CBFA2T3: variants seen among roughly 807,000 people sequenced by gnomAD.
CBFA2T3 encodes transcriptional corepressor CBFA2T3.
CBFA2T3 carries 31 observed loss-of-function variants against 58.6 expected under a neutral mutation model. The observed-to-expected ratio is 0.53, with a 90% CI of 0.40 to 0.71. The LOEUF is 0.71. CBFA2T3 is among the 30% of genes least tolerant of loss of function. The probability of loss-of-function intolerance (pLI) is 0.00; values close to 1 mark genes in which losing one functional copy is unlikely to be tolerated. For missense variants in CBFA2T3, 1,076 were observed against 963.1 expected, an observed-to-expected ratio of 1.12 and a Z score of -1.55; for synonymous variants, 531 against 421.9, an observed-to-expected ratio of 1.26 and a Z score of -3.17.
chr16:88,951,166 G>T (rs1972060480), intron 1 of CBFA2T3: 1 of 383,488 alleles, frequency 2.6e-6, no homozygotes, highest in Admixed American at 2.6e-5. Flanking sequence ...CACCGGCACA[G>T]AGGGTCAGAG....
chr16:88,952,805 T>C (rs991613917), intron 1 of CBFA2T3, among the ~76,000 whole-genome samples: 1 of 151,968 alleles, frequency 6.6e-6, no homozygotes, highest in African/African-American at 2.4e-5. Flanking sequence ...CTCTGTGTTC[T>C]CCCTCAACAA....
chr16:88,892,604 G>A, intron 3 of CBFA2T3, 119 bp from the exon 4 acceptor site: 2 of 1,179,542 alleles, frequency 1.7e-6, no homozygotes, highest in Non-Finnish European at 1.2e-6. Context: ...CGGCAACAAT[G>A]ATGAGACACA....
rs192831053 is a variant in CBFA2T3 at position 88,923,715 on chromosome 16, G to A, written c.152-22059C>T. On this transcript the variant is annotated intron_variant, in intron 1 of 11. Coordinates refer to ENST00000268679, the MANE Select transcript of CBFA2T3 (RefSeq NM_005187.6). ...TCACACATGTCGCTCCTGCTGTCAG[G>A]GTGGGAAGGCTCCGACATGGAGGTC... Among the ~76,000 whole-genome samples the A allele has an allele frequency of 5.2e-3, 791 of 152,344 alleles. 9 individuals are homozygous for A. Among genetic ancestry groups the A allele is most frequent in the African/African-American group, 0.018 (759 of 41,574 alleles).
intron 1 of CBFA2T3, among the ~76,000 whole-genome samples, chr16:88,924,500 CA>C (rs1034225360): frequency 1.3e-5 from 2 of 152,036 alleles, no homozygotes; most frequent in Non-Finnish European, 2.9e-5. Flanking sequence ...AGACACAGGC[CA>C]GGGGGAGAAG....
In CBFA2T3 at chr16:88,958,736, C is replaced by T. The variant is rs748780630; in HGVS notation, c.151+17921G>A. Among the ~76,000 whole-genome samples the T allele has an allele frequency of 5.1e-4, 78 of 152,044 alleles. 1 individual carries two copies. Among genetic ancestry groups the T allele is most frequent in the Admixed American group, 1.0e-3 (16 of 15,284 alleles). ...GCCTTTGGAAGGAGATGAACTTGCT[C>T]TCCCAGGGCTGGGGCCTCAGGGCCT... On this transcript the variant is annotated intron_variant, in intron 1 of 11. Transcript: ENST00000268679. The surrounding 1 kb of genome is among the most constrained non-coding windows in gnomAD (Gnocchi z 4.0).
At position 88,875,783 on chromosome 16, in the gene CBFA2T3, G is replaced by C. The variant is rs1555529293; in HGVS notation, c.*1193C>G. On this transcript the variant is annotated 3_prime_UTR_variant, in exon 12 of 12. Transcript: ENST00000268679. Reference sequence around the variant, plus strand: ...TGTCACAGTTTTGTTTCGGAATTATGCTCTCTCTGGGAAGAAAACTTTAGC... The same window carrying C: ...TGTCACAGTTTTGTTTCGGAATTATCCTCTCTCTGGGAAGAAAACTTTAGC... 8.6e-6 allele frequency: 2 copies of C among 233,540 alleles called. No homozygotes were observed. The allele number at this position is 233,540 out of a possible 1,614,324, so 14.5% of individuals were successfully genotyped here. A position where few individuals can be genotyped will look rare whatever the true frequency, so the allele number is the denominator to read the frequency against.
At chr16:88,891,752 T>C in intron 5 of CBFA2T3, 130 bp downstream of exon 5, 1 of 666,000 alleles carries the variant, frequency 1.5e-6, no homozygotes, top group South Asian at 1.7e-5. Context: ...CTCACACCTC[T>C]TCATCCACCT....
intron 1 of CBFA2T3, among the ~76,000 whole-genome samples, chr16:88,944,542 GC>G (rs1937028421): frequency 6.6e-6 from 1 of 152,046 alleles, no homozygotes; most frequent in African/African-American, 2.4e-5. Flanking sequence ...TGCCTCTGAG[GC>G]CCCACCCTGC....
chr16:88,908,117 A>G (rs906420972), intron 1 of CBFA2T3, among the ~76,000 whole-genome samples: 6 of 152,184 alleles, frequency 3.9e-5, no homozygotes, highest in African/African-American at 1.2e-4. Flanking sequence ...CAAGGTAGGC[A>G]AACCACTTGA....
chr16:88,919,257 A>G (rs571779987), intron 1 of CBFA2T3, among the ~76,000 whole-genome samples: 10 of 152,234 alleles, frequency 6.6e-5, no homozygotes, highest in African/African-American at 2.4e-4. Flanking sequence ...GTTCCAGCCA[A>G]TGGAAACCGG....
At chr16:88,967,184 AC>A (rs1972534555) in intron 1 of CBFA2T3, among the ~76,000 whole-genome samples, 1 of 64,944 alleles carries the variant, frequency 1.5e-5, no homozygotes, top group African/African-American at 6.6e-5. Context: ...CCGAGGTGCC[AC>A]TCGGCCCCGA....
At chr16:88,934,494 G>A (rs539205750) in intron 1 of CBFA2T3, among the ~76,000 whole-genome samples, 18 of 152,350 alleles carry the variant, frequency 1.2e-4, no homozygotes, top group Admixed American at 7.8e-4. Flanking sequence ...ACACCTGGCC[G>A]GCACGGCCGG....
intron 1 of CBFA2T3, chr16:88,941,057 G>A (rs1281416676): frequency 7.1e-6 from 7 of 985,632 alleles, no homozygotes; most frequent in Middle Eastern, 5.2e-4. Context: ...GCGGCGGACG[G>A]CGCACACTCG....
intron 1 of CBFA2T3, among the ~76,000 whole-genome samples, chr16:88,970,030 T>A (rs191957207): frequency 5.6e-4 from 85 of 151,726 alleles, no homozygotes; most frequent in African/African-American, 2.0e-3. Flanking sequence ...ACCCCAGGAG[T>A]CCTCGTCTCC....
At chr16:88,898,661 C>T (rs984702476) in intron 2 of CBFA2T3, among the ~76,000 whole-genome samples, 48 of 152,360 alleles carry the variant, frequency 3.2e-4, no homozygotes, top group African/African-American at 1.1e-3. Context: ...TAAAAGCGAC[C>T]TGAGACTCGG....
At chr16:88,902,766 G>A (rs1284234657) in intron 1 of CBFA2T3, among the ~76,000 whole-genome samples, 1 of 152,210 alleles carries the variant, frequency 6.6e-6, no homozygotes, top group Non-Finnish European at 1.5e-5. Context: ...GACTTCGGGG[G>A]CCTCAGCGGC....
Position 88,885,371 on chromosome 16 carries a change from G to T in CBFA2T3, c.894-102C>A. The T allele has an allele frequency of 1.3e-6, 1 of 767,328 alleles. No homozygotes were observed. The allele number at this position is 767,328 out of a possible 1,614,324, so 47.5% of individuals were successfully genotyped here. A position where few individuals can be genotyped will look rare whatever the true frequency, so the allele number is the denominator to read the frequency against. On this transcript the variant is annotated intron_variant, in intron 6 of 11. Coordinates refer to ENST00000268679, the MANE Select transcript of CBFA2T3 (RefSeq NM_005187.6). This position sits in a 1 kb window ranked among gnomAD's most constrained non-coding sequence, Gnocchi z 5.3. ...GCAGACAGGCAAGGGCAGAGAGAAA[G>T]AGGACACGTAAGGGCGAGACAGAAA...
chr16:88,898,244 C>T (rs934113953), intron 2 of CBFA2T3, 92 bp from the exon 3 acceptor site: 2 of 977,648 alleles, frequency 2.0e-6, no homozygotes, highest in South Asian at 1.3e-5. Context: ...TTTCCTACTT[C>T]TCAGAGTGAT....
chr16:88,976,779 G>C lies in CBFA2T3; in HGVS notation c.29C>G (p.Ala10Gly). The C allele has an allele frequency of 6.4e-7, 1 of 1,556,082 alleles. No homozygotes were observed. MPASRLRDR[A>G]ASSASGSTCG... is the part of the protein sequence containing the mutation. ...GGTGGATCCCGAGGCTGAACTGGCTGCCCTGTCCCTCAGTCTTGAAGCCGG... is the reference window on the plus strand; with the variant it reads ...GGTGGATCCCGAGGCTGAACTGGCTCCCCTGTCCCTCAGTCTTGAAGCCGG... Residue 10 changes from alanine (A) to glycine (G), a missense_variant, in exon 1 of 12, where the codon GCA becomes GGA. Transcript: ENST00000268679.
Sources: gnomAD v4.1 joint callset for allele counts (sites outside exome capture counted in the v4.1 genomes callset) on GRCh38, gnomAD v4.1.1 for gene constraint, Gnocchi (gnomAD v3.1) non-coding constraint, MANE v1.5 for transcripts, NCBI Gene and HGNC (gene_info 2026-07-23, HGNC 2026-07-21) for gene names.